The following GRIP2 variants were observed in gnomAD, a reference collection of about 807,000 sequenced individuals.
GRIP2 encodes the protein glutamate receptor interacting protein 2.
A neutral mutation model predicts 108.3 loss-of-function variants in GRIP2; 58 were observed. The ratio of observed to expected loss-of-function variants is 0.54; its 90% confidence interval spans 0.43 to 0.67. The LOEUF is 0.67. Ranked by LOEUF, GRIP2 falls within the 30% of genes least tolerant of loss-of-function variation. The pLI is 0.00. For missense variants in GRIP2, 1,278 were observed against 1,430.6 expected (o/e 0.89, Z 1.72); for synonymous variants, 586 against 598.2 (o/e 0.98, Z 0.30).
At position 14,493,264 on chromosome 3, in the gene GRIP2, C is replaced by A; in HGVS notation, c.*401G>T. ...TCCTGTGACCGAGAACTCACTCCTC[C>A]TTGCAGCTCATTCCAGCTCCATGGC... On this transcript the variant is annotated 3_prime_UTR_variant, in exon 24 of 24. Transcript: ENST00000621039. The A allele has an allele frequency of 5.5e-6, 1 of 180,482 alleles. No individual in the cohort carries two copies. 11.2% of individuals were successfully genotyped at this position (180,482 alleles called of 1,614,324 possible). A position where few individuals can be genotyped will look rare whatever the true frequency, so the allele number is the denominator to read the frequency against.
intron 1 of GRIP2, among the ~76,000 whole-genome samples, chr3:14,537,361 C>T (rs1214025332): frequency 2.6e-5 from 4 of 152,212 alleles, no homozygotes; most frequent in Non-Finnish European, 5.9e-5. Flanking sequence ...CACCTCCTCT[C>T]CACTCCCTCC....
In GRIP2 at chr3:14,507,257, G is replaced by A. The variant is rs945309150; in HGVS notation, c.2219-277C>T. Among the ~76,000 whole-genome samples the A allele has an allele frequency of 3.3e-5, 5 of 152,186 alleles. No homozygotes were observed. Among genetic ancestry groups the A allele is most frequent in the Admixed American group, 2.6e-4 (4 of 15,282 alleles). On this transcript the variant is annotated intron_variant, in intron 18 of 23. Transcript: ENST00000621039. The surrounding 1 kb of genome is among the most constrained non-coding windows in gnomAD (Gnocchi z 4.6). ...TATGGTGGCCTTTCTACCAAGGCACGGGGACGTATTCAGGGGCAGCTGAGG... is the reference window on the plus strand; with the variant it reads ...TATGGTGGCCTTTCTACCAAGGCACAGGGACGTATTCAGGGGCAGCTGAGG...
rs1299702719 is a variant in GRIP2, at chr3:14,489,342, A to G, written c.*4323T>C. On this transcript the variant is annotated 3_prime_UTR_variant, in exon 24 of 24. Coordinates refer to ENST00000621039, the MANE Select transcript of GRIP2 (RefSeq NM_001080423.4). ...CATGAAAATAAACATTTCCTTTTTA[A>G]CATCCAACATGTGTGGGTTGTGTTC... 2 of 152,504 alleles carry G rather than the reference A, an allele frequency of 1.3e-5. No individual in the cohort carries two copies. The highest frequency in any genetic ancestry group is 2.9e-5 in the Non-Finnish European group (2 of 68,022). 9.4% of individuals were successfully genotyped at this position (152,504 alleles called of 1,614,324 possible). A position where few individuals can be genotyped will look rare whatever the true frequency, so the allele number is the denominator to read the frequency against.
At chr3:14,567,464 T>C in the GRIP2 span, among the ~76,000 whole-genome samples, 1 of 151,946 alleles carries the variant, frequency 6.6e-6, no homozygotes, top group South Asian at 2.1e-4. Flanking sequence ...AGACATGGCA[T>C]CCCAGGAAAC....
chr3:14,567,517 T>A, the GRIP2 span, among the ~76,000 whole-genome samples: 4 of 152,098 alleles, frequency 2.6e-5, no homozygotes, highest in African/African-American at 9.7e-5. Flanking sequence ...AGGTTCAGGA[T>A]GATGCCACCA....
upstream of GRIP2, among the ~76,000 whole-genome samples, chr3:14,559,316 C>A: frequency 6.6e-6 from 1 of 151,958 alleles, no homozygotes; most frequent in East Asian, 1.9e-4. Context: ...TTCAAGTAGA[C>A]CTTGGGGAGT....
intron 1 of GRIP2, among the ~76,000 whole-genome samples, chr3:14,554,209 G>A (rs1695197776): frequency 6.6e-6 from 1 of 152,188 alleles, no homozygotes; most frequent in African/African-American, 2.4e-5. Flanking sequence ...GCCATCCAAG[G>A]CCACACAGGG....
chr3:14,512,702 C>A lies in GRIP2; in HGVS notation c.1720+75G>T. On this transcript the variant is annotated intron_variant, in intron 14 of 23. Coordinates refer to ENST00000621039, the MANE Select transcript of GRIP2 (RefSeq NM_001080423.4). The surrounding 1 kb of genome is among the most constrained non-coding windows in gnomAD (Gnocchi z 5.1). ...GGTGTCACGCCATGGAAATGCTGGT[C>A]TGAGCTTGGCAAGCTCTTTTTCCCC... The A allele has an allele frequency of 1.4e-6, 2 of 1,418,200 alleles. No homozygotes were observed. The highest frequency in any genetic ancestry group is 2.4e-5 in the South Asian group (2 of 83,306). 87.9% of individuals were successfully genotyped at this position (1,418,200 alleles called of 1,614,324 possible).
At chr3:14,516,358 T>C (rs577838884) in intron 11 of GRIP2, among the ~76,000 whole-genome samples, 148 of 152,316 alleles carry the variant, frequency 9.7e-4, no homozygotes, top group African/African-American at 3.3e-3. Context: ...CTATCCTTCC[T>C]GGAGGCCTCT....
Position 14,505,608 on chromosome 3 carries a change from C to G in GRIP2, c.2573+7G>C. 1 of 1,608,130 alleles carries G rather than the reference C, an allele frequency of 6.2e-7. No homozygotes were observed. Among genetic ancestry groups the G allele is most frequent in the Non-Finnish European group, 8.5e-7 (1 of 1,177,268 alleles). The stretch of plus-strand genomic sequence containing the variant: ...CCCTCCTCCTTCACGGTGCTCCCAC[C>G]ACAGACCTCGTTGGCGGCTCCCAAT... On this transcript the variant is annotated splice_region_variant and intron_variant, in intron 20 of 23. Transcript: ENST00000621039. The surrounding 1 kb of genome is among the most constrained non-coding windows in gnomAD (Gnocchi z 4.2).
chr3:14,566,503 C>G, the GRIP2 span, among the ~76,000 whole-genome samples: 1 of 152,240 alleles, frequency 6.6e-6, no homozygotes, highest in Admixed American at 6.5e-5. Context: ...AGAACCGCAG[C>G]AGAGAATGCC....
upstream of GRIP2, among the ~76,000 whole-genome samples, chr3:14,545,216 C>T (rs1301319578): frequency 6.6e-6 from 1 of 152,242 alleles, no homozygotes; most frequent in Non-Finnish European, 1.5e-5. Flanking sequence ...CAGCATTTTG[C>T]ACACATTTTC....
At chr3:14,582,088 A>G in the GRIP2 span, among the ~76,000 whole-genome samples, 1 of 152,222 alleles carries the variant, frequency 6.6e-6, no homozygotes, top group Non-Finnish European at 1.5e-5. Flanking sequence ...CTCATATCTC[A>G]GGGACTCCTC....
Position 14,491,715 on chromosome 3 carries a change from T to G in GRIP2, c.*1950A>C, listed in dbSNP as rs1701341413. The stretch of plus-strand genomic sequence containing the variant: ...TTCCCAAGCCGAGAGGCCCTGAGAG[T>G]GTGTCCTGTCCAGCCCTGTTGCTTA... On this transcript the variant is annotated 3_prime_UTR_variant, in exon 24 of 24. Coordinates refer to ENST00000621039, the MANE Select transcript of GRIP2 (RefSeq NM_001080423.4). 6.6e-6 allele frequency: 1 copy of G among 152,190 alleles called. No homozygotes were observed. Among genetic ancestry groups the G allele is most frequent in the Non-Finnish European group, 1.5e-5 (1 of 68,144 alleles). 9.4% of individuals were successfully genotyped at this position (152,190 alleles called of 1,614,324 possible).
chr3:14,582,733 G>A, the GRIP2 span, among the ~76,000 whole-genome samples: 1 of 152,290 alleles, frequency 6.6e-6, no homozygotes, highest in Non-Finnish European at 1.5e-5. Context: ...GAGCATCTCA[G>A]CTGAGAGGGT....
chr3:14,540,453 G>A (rs1013829038), upstream of GRIP2: 8 of 1,553,590 alleles, frequency 5.1e-6, no homozygotes, highest in East Asian at 9.6e-5. The surrounding 1 kb of genome is among the most constrained non-coding windows in gnomAD (Gnocchi z 4.1). Context: ...TGCAGCGGGC[G>A]GCTCTCTGCT....
At chr3:14,555,330 C>T (rs1183093019) in intron 1 of GRIP2, among the ~76,000 whole-genome samples, 2 of 152,122 alleles carry the variant, frequency 1.3e-5, no homozygotes, top group Admixed American at 1.3e-4. Context: ...GACAGCCCCA[C>T]GGCCTCAACA....
intron 22 of GRIP2, 89 bp downstream of exon 22, chr3:14,496,328 G>T: frequency 1.7e-6 from 2 of 1,159,412 alleles, no homozygotes; most frequent in South Asian, 1.7e-5. Flanking sequence ...AAAGCCCTGA[G>T]AGGGGCAGGG....
At position 14,523,043 on chromosome 3, in the gene GRIP2, G is replaced by T. The variant is rs765505939; in HGVS notation, c.523C>A (p.Pro175Thr). 6 of 1,612,342 alleles carry T rather than the reference G, an allele frequency of 3.7e-6. No homozygotes were observed. Among genetic ancestry groups the T allele is most frequent in the Non-Finnish European group, 5.1e-6 (6 of 1,179,142 alleles). Residue 175 changes from proline to threonine, a missense_variant, in exon 6 of 24, where the codon CCG (proline) becomes ACG (threonine). Transcript: ENST00000621039. Reference protein sequence around the residue: ...GAHEDGHKSRPLVLTYVRPGG... With the variant: ...GAHEDGHKSRTLVLTYVRPGG... The stretch of plus-strand genomic sequence containing the variant: ...GGCCGCACGTAGGTCAGGACAAGCG[G>T]GCGGGACTTGTGCCCATCTTCATGG...
Sources: allele counts gnomAD v4.1 joint callset (sites outside exome capture counted in the v4.1 genomes callset), GRCh38; gene constraint gnomAD v4.1.1; non-coding constraint Gnocchi (gnomAD v3.1); transcripts MANE v1.5; gene names NCBI Gene and HGNC (gene_info 2026-07-23, HGNC 2026-07-21).